Variants in SGK1 observed in about 807,000 individuals in gnomAD.
The protein encoded by SGK1 is serum/glucocorticoid regulated kinase 1, also known as serine/threonine-protein kinase Sgk1.
SGK1 carries 26 observed loss-of-function variants against 64.2 expected under a neutral mutation model. That is an observed-to-expected ratio of 0.40 (90% CI 0.30 to 0.56). The LOEUF is 0.56. SGK1 is among the 20% of genes least tolerant of loss of function. The pLI, the probability that SGK1 is intolerant of heterozygous loss-of-function variation, is 0.38. For missense variants in SGK1, 519 were observed against 645.6 expected, an observed-to-expected ratio of 0.80 and a Z score of 2.12; for synonymous variants, 265 against 239.7, an observed-to-expected ratio of 1.11 and a Z score of -0.98.
intron 3 of SGK1, among the ~76,000 whole-genome samples, chr6:134,188,122 T>A (rs1775451821): frequency 6.7e-6 from 1 of 149,944 alleles, no homozygotes; most frequent in Admixed American, 6.6e-5. Context: ...CTGTTTGGTA[T>A]CCACAGAATG....
intron 3 of SGK1, chr6:134,177,783 T>C (rs1241047871): frequency 6.2e-7 from 1 of 1,613,798 alleles, no homozygotes; most frequent in South Asian, 1.1e-5. Flanking sequence ...TAAGCCTCCC[T>C]GCTACATGCC....
chr6:134,307,745 A>G (rs576663207), intron 1 of SGK1, among the ~76,000 whole-genome samples: 8 of 152,230 alleles, frequency 5.3e-5, no homozygotes, highest in Non-Finnish European at 8.8e-5. Flanking sequence ...TTGAATCCAC[A>G]GATGTGGAAC....
In SGK1 at chr6:134,296,413, A is replaced by G. The variant is rs564357802; in HGVS notation, c.69+20979T>C. Among the ~76,000 whole-genome samples the G allele has an allele frequency of 1.9e-4, 29 of 152,282 alleles. No homozygotes were observed. The East Asian group carries it at 5.6e-3, about 29-fold the overall frequency. On this transcript the variant is annotated intron_variant, in intron 1 of 13. Coordinates refer to ENST00000367858, the MANE Select transcript of SGK1 (RefSeq NM_001143676.3). Reference sequence around the variant, plus strand: ...CAGCCTTCCAAGTAGTTAGGACTACAGGCATATGCTGCTGTGCTCAGCTAA... The same window carrying G: ...CAGCCTTCCAAGTAGTTAGGACTACGGGCATATGCTGCTGTGCTCAGCTAA...
chr6:134,220,679 G>T (rs549729206), intron 2 of SGK1, among the ~76,000 whole-genome samples: 1 of 152,208 alleles, frequency 6.6e-6, no homozygotes, highest in Admixed American at 6.5e-5. Context: ...TTAATAATTG[G>T]TAAAGGTTAT....
At chr6:134,306,753 C>T (rs1297995151) in intron 1 of SGK1, among the ~76,000 whole-genome samples, 4 of 151,892 alleles carry the variant, frequency 2.6e-5, no homozygotes, top group East Asian at 3.9e-4. Flanking sequence ...CGAATCCGCT[C>T]GCCTCAGCCT....
intron 3 of SGK1, among the ~76,000 whole-genome samples, chr6:134,195,765 T>C (rs971971655): frequency 6.6e-6 from 1 of 152,230 alleles, no homozygotes; most frequent in African/African-American, 2.4e-5. Flanking sequence ...AGTCTAGCCA[T>C]ATGTCTATTT....
At chr6:134,305,236 G>A (rs571900105) in intron 1 of SGK1, among the ~76,000 whole-genome samples, 3 of 152,016 alleles carry the variant, frequency 2.0e-5, no homozygotes, top group South Asian at 4.2e-4. Context: ...GCTGGTGCTT[G>A]TAGGCCCACC....
intron 1 of SGK1, among the ~76,000 whole-genome samples, chr6:134,264,212 T>A (rs551943048): frequency 6.6e-6 from 1 of 151,622 alleles, no homozygotes; most frequent in Non-Finnish European, 1.5e-5. Context: ...CTCTGCCTCC[T>A]GGGTTCACGC....
intron 3 of SGK1, among the ~76,000 whole-genome samples, chr6:134,192,741 T>C (rs992638464): frequency 1.3e-5 from 2 of 152,072 alleles, no homozygotes; most frequent in Admixed American, 1.3e-4. Flanking sequence ...GGCTAATTTT[T>C]GTACTGTTGT....
At position 134,232,413 on chromosome 6, in the gene SGK1, G is replaced by GAAAAGAAAGAAAGAGAGAGAGAGAA. The variant is rs79009962; in HGVS notation, c.286-24983_286-24982insTTCTCTCTCTCTCTTTCTTTCTTTT. On this transcript the variant is annotated intron_variant, in intron 2 of 13. Coordinates refer to ENST00000367858, the MANE Select transcript of SGK1 (RefSeq NM_001143676.3). Reference sequence around the variant, plus strand: ...AAAAGAAAGAAGAAAAAGAAAGAAAGAGAAAGAAAGAAAGAAAGAAAGAAA... The same window carrying GAAAAGAAAGAAAGAGAGAGAGAGAA: ...AAAAGAAAGAAGAAAAAGAAAGAAAGAAAAGAAAGAAAGAGAGAGAGAGAAAGAAAGAAAGAAAGAAAGAAAGAAA... Among the ~76,000 whole-genome samples the GAAAAGAAAGAAAGAGAGAGAGAGAA allele has an allele frequency of 3.4e-4, 16 of 47,706 alleles. 1 individual carries two copies. Among genetic ancestry groups the GAAAAGAAAGAAAGAGAGAGAGAGAA allele is most frequent in the African/African-American group, 5.6e-4 (7 of 12,566 alleles). 31.3% of individuals were successfully genotyped at this position (47,706 alleles called of 152,430 possible).
intron 2 of SGK1, among the ~76,000 whole-genome samples, chr6:134,253,957 G>A (rs1290351588): frequency 1.3e-5 from 2 of 152,178 alleles, no homozygotes; most frequent in East Asian, 1.9e-4. Context: ...CGGACTCTGA[G>A]GAAATCCTTG....
intron 2 of SGK1, among the ~76,000 whole-genome samples, chr6:134,219,788 G>A (rs895301801): frequency 1.9e-4 from 29 of 148,828 alleles, no homozygotes; most frequent in Non-Finnish European, 4.0e-4. Flanking sequence ...GGCCGGGCGC[G>A]GTGGCTCACG....
chr6:134,277,090 A>G (rs1481612231), intron 1 of SGK1, among the ~76,000 whole-genome samples: 2 of 151,836 alleles, frequency 1.3e-5, no homozygotes, highest in Non-Finnish European at 2.9e-5. Flanking sequence ...CAAAAAACCC[A>G]GGGTGAGGTG....
intron 1 of SGK1, among the ~76,000 whole-genome samples, chr6:134,306,650 A>G (rs1190294814): frequency 6.6e-6 from 1 of 151,848 alleles, no homozygotes; most frequent in Non-Finnish European, 1.5e-5. Context: ...CAGCCTCCTG[A>G]GTAGCTGGGA....
chr6:134,226,419 G>A (rs1346422384), intron 2 of SGK1, among the ~76,000 whole-genome samples: 1 of 151,784 alleles, frequency 6.6e-6, no homozygotes, highest in African/African-American at 2.4e-5. Context: ...TAGAGACGGG[G>A]CCGAGTGCAG....
At chr6:134,183,491 T>C (rs544423645) in intron 3 of SGK1, among the ~76,000 whole-genome samples, 13 of 152,360 alleles carry the variant, frequency 8.5e-5, no homozygotes, top group Non-Finnish European at 1.8e-4. Context: ...AAGGATGTCA[T>C]GATGGGCAGC....
chr6:134,253,447 C>T (rs1048017902), intron 2 of SGK1, among the ~76,000 whole-genome samples: 1 of 151,804 alleles, frequency 6.6e-6, no homozygotes, highest in South Asian at 2.1e-4. Flanking sequence ...CTCAGGAGTT[C>T]GAAACCAGAC....
At chr6:134,188,538 T>C (rs931251551) in intron 3 of SGK1, among the ~76,000 whole-genome samples, 1 of 152,196 alleles carries the variant, frequency 6.6e-6, no homozygotes, top group Non-Finnish European at 1.5e-5. Context: ...GATATATACA[T>C]GTATGATAGC....
intron 2 of SGK1, among the ~76,000 whole-genome samples, chr6:134,237,096 C>G (rs1776375990): frequency 6.7e-6 from 1 of 148,488 alleles, no homozygotes; most frequent in African/African-American, 2.5e-5. Flanking sequence ...ACTCCGTCAC[C>G]CAGTTTGGAA....
Sources: gnomAD v4.1 joint callset for allele counts (sites outside exome capture counted in the v4.1 genomes callset) on GRCh38, gnomAD v4.1.1 for gene constraint, MANE v1.5 for transcripts, NCBI Gene and HGNC (gene_info 2026-07-23, HGNC 2026-07-21) for gene names.